Variants in PLGRKT observed in about 807,000 individuals in gnomAD.
PLGRKT encodes plasminogen receptor with a C-terminal lysine, also known as plasminogen receptor (KT).
A neutral mutation model predicts 18.5 loss-of-function variants in PLGRKT; 22 were observed. The ratio of observed to expected loss-of-function variants is 1.19; its 90% confidence interval spans 0.85 to 1.70. The LOEUF (loss-of-function observed/expected upper bound fraction) is 1.70. PLGRKT is among the 40% of genes most tolerant of loss of function. The pLI is 0.00. For synonymous variants in PLGRKT, 72 were observed against 52.8 expected (o/e 1.36, Z -1.58); for missense variants, 235 against 174.4 (o/e 1.35, Z -1.96).
chr9:5,360,857 C>T (rs140565490), intron 5 of PLGRKT, among the ~76,000 whole-genome samples: 4 of 152,280 alleles, frequency 2.6e-5, no homozygotes, highest in African/African-American at 9.6e-5. Context: ...TGTTTAACAA[C>T]CAGCTTACAC....
chr9:5,434,343 G>A (rs1300740375), intron 2 of PLGRKT, among the ~76,000 whole-genome samples: 2 of 145,394 alleles, frequency 1.4e-5, no homozygotes, highest in Admixed American at 1.4e-4. Context: ...CCCCGTCTGG[G>A]AGGTGAGGAG....
intron 3 of PLGRKT, among the ~76,000 whole-genome samples, chr9:5,430,888 T>G (rs1188022098): frequency 1.3e-5 from 2 of 152,242 alleles, no homozygotes; most frequent in African/African-American, 4.8e-5. Flanking sequence ...TATTAGGCAA[T>G]TAGATAATCT....
At position 5,418,761 on chromosome 9, in the gene PLGRKT, G is replaced by T; in HGVS notation, c.81+13136C>A. 1 of 714,786 alleles carries T rather than the reference G, an allele frequency of 1.4e-6. No individual in the cohort carries two copies. Among genetic ancestry groups the T allele is most frequent in the East Asian group, 2.7e-5 (1 of 36,970 alleles). The allele number at this position is 714,786 out of a possible 1,614,324, so 44.3% of individuals were successfully genotyped here. On this transcript the variant is annotated intron_variant, in intron 3 of 5. Coordinates refer to ENST00000223864, the MANE Select transcript of PLGRKT (RefSeq NM_018465.4). This position sits in a 1 kb window ranked among gnomAD's most constrained non-coding sequence, Gnocchi z 4.2. ...GAATGGTGATGACAGCCAGGACCTC[G>T]GGGTCGTCGAGGAGCTGCGACACGG...
intron 3 of PLGRKT, among the ~76,000 whole-genome samples, chr9:5,385,179 C>T (rs959557826): frequency 1.3e-5 from 2 of 152,134 alleles, no homozygotes; most frequent in Non-Finnish European, 2.9e-5. Context: ...CAACAGTACA[C>T]ATTTATGAAT....
At chr9:5,424,552 T>C (rs867476733) in intron 3 of PLGRKT, among the ~76,000 whole-genome samples, 2 of 131,224 alleles carry the variant, frequency 1.5e-5, no homozygotes, top group African/African-American at 6.0e-5. Flanking sequence ...GTTAATATGT[T>C]TATATAATAC....
At chr9:5,389,279 T>C (rs375903074) in intron 3 of PLGRKT, among the ~76,000 whole-genome samples, 20 of 152,072 alleles carry the variant, frequency 1.3e-4, no homozygotes, top group African/African-American at 4.1e-4. Flanking sequence ...GTCATTTCTG[T>C]GGTTTTGACA....
chr9:5,384,811 A>G (rs1226815891), intron 3 of PLGRKT, among the ~76,000 whole-genome samples: 4 of 152,132 alleles, frequency 2.6e-5, no homozygotes, highest in Non-Finnish European at 4.4e-5. Flanking sequence ...ACAAGAACCC[A>G]GCATAGCCCC....
chr9:5,434,914 T>G (rs1818929944), intron 2 of PLGRKT, among the ~76,000 whole-genome samples: 1 of 152,002 alleles, frequency 6.6e-6, no homozygotes, highest in Non-Finnish European at 1.5e-5. Context: ...GAGATCAGAT[T>G]GTTACTGTGT....
At chr9:5,384,774 C>A (rs761914881) in intron 3 of PLGRKT, among the ~76,000 whole-genome samples, 1 of 152,018 alleles carries the variant, frequency 6.6e-6, no homozygotes, top group Non-Finnish European at 1.5e-5. Context: ...CATCACTCCC[C>A]ACACAAAAAC....
intron 3 of PLGRKT, among the ~76,000 whole-genome samples, chr9:5,391,859 G>A (rs901073069): frequency 2.0e-5 from 3 of 151,916 alleles, no homozygotes; most frequent in Admixed American, 6.5e-5. Flanking sequence ...GGAAAGCCCT[G>A]CAGGTAATTT....
At chr9:5,405,768 T>C (rs572509626) in intron 3 of PLGRKT, among the ~76,000 whole-genome samples, 8 of 152,248 alleles carry the variant, frequency 5.3e-5, no homozygotes, top group African/African-American at 1.9e-4. Flanking sequence ...GGGATCTAAT[T>C]AAACTAAAGA....
intron 3 of PLGRKT, among the ~76,000 whole-genome samples, chr9:5,427,538 T>C (rs1818726795): frequency 1.3e-5 from 2 of 152,232 alleles, no homozygotes. Context: ...TTATTAGTAA[T>C]TATTGTTAAT....
Position 5,418,917 on chromosome 9 carries a change from G to C in PLGRKT, c.81+12980C>G, listed in dbSNP as rs919648321. On this transcript the variant is annotated intron_variant, in intron 3 of 5. Coordinates refer to ENST00000223864, the MANE Select transcript of PLGRKT (RefSeq NM_018465.4). The surrounding 1 kb of genome is among the most constrained non-coding windows in gnomAD (Gnocchi z 4.2). Reference sequence around the variant, plus strand: ...AATCCAGCAACTTGGCCTTCACTAGGGGCTGCAGTAATTAAAACAGATCTG... The same window carrying C: ...AATCCAGCAACTTGGCCTTCACTAGCGGCTGCAGTAATTAAAACAGATCTG... The C allele has an allele frequency of 1.7e-5, 14 of 841,928 alleles. No homozygotes were observed. Among genetic ancestry groups the C allele is most frequent in the Non-Finnish European group, 2.5e-5 (13 of 511,820 alleles). The allele number at this position is 841,928 out of a possible 1,614,324, so 52.2% of individuals were successfully genotyped here.
At chr9:5,408,077 G>A (rs1452684719) in intron 3 of PLGRKT, among the ~76,000 whole-genome samples, 1 of 152,150 alleles carries the variant, frequency 6.6e-6, no homozygotes, top group Admixed American at 6.5e-5. Flanking sequence ...GTCTAAATTT[G>A]GAGGGGCAAG....
chr9:5,403,024 G>A (rs1428382464), intron 3 of PLGRKT, among the ~76,000 whole-genome samples: 3 of 151,708 alleles, frequency 2.0e-5, no homozygotes, highest in African/African-American at 7.3e-5. Context: ...ATTCTCCCCT[G>A]GATAATAGGT....
rs138572025 is a variant in PLGRKT at position 5,406,033 on chromosome 9, G to C, written c.81+25864C>G. On this transcript the variant is annotated intron_variant, in intron 3 of 5. Transcript: ENST00000223864. ...AAGCTCAACATCACTGATCACTAGA[G>C]AAATGCAAATCAAAACCACAATGAG... Among the ~76,000 whole-genome samples the C allele has an allele frequency of 8.1e-3, 1,239 of 152,210 alleles. 20 individuals carry two copies. Among genetic ancestry groups the C allele is most frequent in the African/African-American group, 0.029 (1,204 of 41,528 alleles).
intron 2 of PLGRKT, among the ~76,000 whole-genome samples, chr9:5,432,986 G>A (rs538810217): frequency 7.3e-5 from 11 of 150,860 alleles, no homozygotes; most frequent in Middle Eastern, 3.4e-3. Context: ...ATCTCTGCCC[G>A]GCCGCCACCC....
At chr9:5,375,352 G>T (rs1284943961) in intron 3 of PLGRKT, among the ~76,000 whole-genome samples, 1 of 152,272 alleles carries the variant, frequency 6.6e-6, no homozygotes, top group East Asian at 1.9e-4. Context: ...AGAAATGACA[G>T]GATGGTGGAA....
chr9:5,401,265 G>A (rs1818148597), intron 3 of PLGRKT, among the ~76,000 whole-genome samples: 1 of 150,152 alleles, frequency 6.7e-6, no homozygotes, highest in Non-Finnish European at 1.5e-5. Context: ...AATAAGAAAG[G>A]CAACAAGAAT....
Sources: allele counts gnomAD v4.1 joint callset (sites outside exome capture counted in the v4.1 genomes callset), GRCh38; gene constraint gnomAD v4.1.1; non-coding constraint Gnocchi (gnomAD v3.1); transcripts MANE v1.5; gene names NCBI Gene and HGNC (gene_info 2026-07-23, HGNC 2026-07-21).